SFMBT2: variants seen among roughly 807,000 people sequenced by gnomAD.
The protein encoded by SFMBT2 is scm-like with four MBT domains protein 2.
A neutral mutation model predicts 110.1 loss-of-function variants in SFMBT2; 38 were observed. That is an observed-to-expected ratio of 0.35 (90% CI 0.27 to 0.45). The LOEUF is 0.45. SFMBT2 is among the 20% of genes least tolerant of loss of function. The pLI is 1.00. For synonymous variants in SFMBT2, 425 were observed against 425.4 expected, an observed-to-expected ratio of 1.00 and a Z score of 0.01; for missense variants, 1,011 against 1,094.9, an observed-to-expected ratio of 0.92 and a Z score of 1.08.
chr10:7,268,933 G>A (rs1462658435), intron 7 of SFMBT2, among the ~76,000 whole-genome samples: 2 of 152,186 alleles, frequency 1.3e-5, no homozygotes, highest in Non-Finnish European at 2.9e-5. Context: ...AAAATCCACT[G>A]AGAGCCACGG....
At chr10:7,317,641 C>CAAAAAA (rs56181512) in intron 4 of SFMBT2, among the ~76,000 whole-genome samples, 15,695 of 92,572 alleles carry the variant, frequency 0.17, 2,324 homozygotes, top group East Asian at 0.27. Context: ...AACTCCGTCT[C>CAAAAAA]AAAAAAAAAA....
At chr10:7,269,719 T>TGC (rs1384654607) in intron 7 of SFMBT2, among the ~76,000 whole-genome samples, 1 of 6,436 alleles carries the variant, frequency 1.6e-4, no homozygotes, top group Non-Finnish European at 3.1e-4. Flanking sequence ...TGTGTGCGTG[T>TGC]GTGTGTGTGT....
rs201963815 is a variant in SFMBT2, at chr10:7,171,965, C to T, written c.2345G>A (p.Arg782His). The T allele has an allele frequency of 3.5e-3, 5,297 of 1,497,922 alleles. 13 individuals are homozygous for T. The highest frequency in any genetic ancestry group is 4.2e-3 in the Non-Finnish European group (4,685 of 1,126,664). 92.8% of individuals were successfully genotyped at this position (1,497,922 alleles called of 1,614,324 possible). ...TGCTGAGGAGGCAGCCGGCGCCCCG[C>T]GGCCCCTTCGTGTCCTCTCTGGGGG... Reference protein sequence around the residue: ...RPPPERTRRGRGAPAASSAEE... With the variant: ...RPPPERTRRGHGAPAASSAEE... Residue 782 changes from arginine to histidine, a missense_variant, in exon 19 of 21, where the codon CGC (arginine) becomes CAC (histidine). Transcript: ENST00000397167. The surrounding 1 kb of genome is among the most constrained non-coding windows in gnomAD (Gnocchi z 4.9).
At chr10:7,283,800 T>C (rs1564421258) in intron 6 of SFMBT2, 104 bp downstream of exon 6, 2 of 829,184 alleles carry the variant, frequency 2.4e-6, no homozygotes, top group South Asian at 1.6e-5. Flanking sequence ...CATACTCAGA[T>C]ATAAAAGATA....
intron 4 of SFMBT2, among the ~76,000 whole-genome samples, chr10:7,363,265 G>A (rs570169056): frequency 2.0e-5 from 3 of 152,190 alleles, no homozygotes; most frequent in South Asian, 4.2e-4. Flanking sequence ...CATGTAAGAC[G>A]TGCCTTTGCT....
chr10:7,248,233 C>T (rs929014485), intron 8 of SFMBT2, among the ~76,000 whole-genome samples: 7 of 152,320 alleles, frequency 4.6e-5, no homozygotes, highest in Admixed American at 6.5e-5. Flanking sequence ...ATATTTACTA[C>T]TACCCATGCA....
intron 7 of SFMBT2, among the ~76,000 whole-genome samples, chr10:7,253,588 A>T (rs943542487): frequency 5.3e-5 from 8 of 152,152 alleles, no homozygotes; most frequent in Non-Finnish European, 5.9e-5. Flanking sequence ...TTCCTTCCAA[A>T]CTACACAAAA....
intron 11 of SFMBT2, among the ~76,000 whole-genome samples, chr10:7,217,440 G>C (rs1349243837): frequency 2.0e-5 from 3 of 152,086 alleles, no homozygotes; most frequent in Non-Finnish European, 4.4e-5. Flanking sequence ...CTAAACGTGA[G>C]CTAGAAATCT....
At chr10:7,289,228 AAAG>A (rs1842193206) in intron 4 of SFMBT2, among the ~76,000 whole-genome samples, 1 of 152,202 alleles carries the variant, frequency 6.6e-6, no homozygotes, top group Admixed American at 6.5e-5. Flanking sequence ...TCCCATTACA[AAAG>A]AAGAACAATT....
chr10:7,267,377 C>A (rs924433252), intron 7 of SFMBT2, among the ~76,000 whole-genome samples: 1 of 152,156 alleles, frequency 6.6e-6, no homozygotes, highest in Admixed American at 6.5e-5. Context: ...GTGGGGATCC[C>A]CAACACAGAG....
chr10:7,407,857 G>A (rs997491523), intron 1 of SFMBT2, among the ~76,000 whole-genome samples: 1 of 152,106 alleles, frequency 6.6e-6, no homozygotes, highest in South Asian at 2.1e-4. Context: ...CCGCGTCCCC[G>A]GGAACTCCCT....
intron 3 of SFMBT2, chr10:7,368,318 T>C: frequency 1.0e-6 from 1 of 985,048 alleles, no homozygotes; most frequent in African/African-American, 1.7e-5. Context: ...GGCTATTCCA[T>C]GAACAACATG....
In SFMBT2 at chr10:7,243,688, A is replaced by T. The variant is rs765807502; in HGVS notation, c.990T>A (p.Phe330Leu). The T allele has an allele frequency of 2.3e-6, 2 of 872,554 alleles. No individual in the cohort carries two copies. Among genetic ancestry groups the T allele is most frequent in the South Asian group, 2.6e-5 (2 of 76,536 alleles). The allele number at this position is 872,554 out of a possible 1,614,324, so 54.1% of individuals were successfully genotyped here. The change falls in exon 9 of 21, where the codon TTT (phenylalanine) becomes TTA (leucine). Residue 330 changes from phenylalanine (F) to leucine (L), a missense_variant. Phe to Leu is a conservative substitution (Grantham distance 22, BLOSUM62 0). This residue lies in a region of SFMBT2 where 979 missense variants were observed against 1,016.1 expected (regional missense o/e 0.96). Coordinates refer to ENST00000397167, the MANE Select transcript of SFMBT2 (RefSeq NM_001387889.1). ...ASVTKVFNNH[F>L]FQVTIDDLRP... ...TTAGGTCATCAATAGTCACTTGAAA[A>T]AAGTGATTGTTAAAAACCTAAAAGA...
chr10:7,368,584 C>A (rs1166115063), intron 3 of SFMBT2, among the ~76,000 whole-genome samples: 1 of 152,208 alleles, frequency 6.6e-6, no homozygotes, highest in Admixed American at 6.5e-5. Flanking sequence ...CAGCCTCCAG[C>A]TCTGGCCCCC....
chr10:7,246,146 G>A (rs1162673081), intron 8 of SFMBT2: 1 of 984,976 alleles, frequency 1.0e-6, no homozygotes, highest in Non-Finnish European at 1.2e-6. Context: ...AAGAGGAGGG[G>A]TGTATACGAA....
intron 9 of SFMBT2, among the ~76,000 whole-genome samples, chr10:7,230,753 T>G (rs1479375844): frequency 6.6e-6 from 1 of 152,122 alleles, no homozygotes; most frequent in Non-Finnish European, 1.5e-5. Context: ...ACCAACATCG[T>G]AAAACCTTGT....
chr10:7,396,974 C>T (rs1168507549), intron 1 of SFMBT2, among the ~76,000 whole-genome samples: 6 of 151,630 alleles, frequency 4.0e-5, no homozygotes, highest in Non-Finnish European at 8.8e-5. Context: ...TTAATGGGTG[C>T]AGCACACCAA....
Position 7,234,353 on chromosome 10 carries a change from C to A in SFMBT2, c.1121-6416G>T, listed in dbSNP as rs115985671. On this transcript the variant is annotated intron_variant, in intron 9 of 20. Coordinates refer to ENST00000397167, the MANE Select transcript of SFMBT2 (RefSeq NM_001387889.1). Reference sequence around the variant, plus strand: ...TGGTCATGGTATGACACTTAATATACTTCTCTGCTGAGGGAATGTTCTACA... The same window carrying A: ...TGGTCATGGTATGACACTTAATATAATTCTCTGCTGAGGGAATGTTCTACA... 2.2e-3 allele frequency among the ~76,000 whole-genome samples: 340 copies of A among 152,324 alleles called. 2 individuals are homozygous for A. Among genetic ancestry groups the A allele is most frequent in the African/African-American group, 7.9e-3 (329 of 41,578 alleles).
At chr10:7,201,554 C>A (rs1838958543) in intron 13 of SFMBT2, among the ~76,000 whole-genome samples, 1 of 152,178 alleles carries the variant, frequency 6.6e-6, no homozygotes, top group Non-Finnish European at 1.5e-5. Context: ...AGCTGCTCTT[C>A]TCATTCAAAT....
Sources: allele counts gnomAD v4.1 joint callset (sites outside exome capture counted in the v4.1 genomes callset), GRCh38; gene constraint gnomAD v4.1.1; regional missense constraint gnomAD v4.1.1; non-coding constraint Gnocchi (gnomAD v3.1); transcripts MANE v1.5; gene names NCBI Gene and HGNC (gene_info 2026-07-23, HGNC 2026-07-21).